HPSE2: variants seen among roughly 807,000 people sequenced by gnomAD.
The protein encoded by HPSE2 is inactive heparanase-2.
A neutral mutation model predicts 60.5 loss-of-function variants in HPSE2; 38 were observed. The observed-to-expected ratio is 0.63, with a 90% CI of 0.48 to 0.82. The LOEUF is 0.82. Among genes scored for constraint, HPSE2 ranks in the 40% least tolerant of loss-of-function variants. The probability of loss-of-function intolerance (pLI) is 0.00; values close to 1 mark genes in which losing one functional copy is unlikely to be tolerated. For synonymous variants in HPSE2, 295 were observed against 293.2 expected, an observed-to-expected ratio of 1.01 and a Z score of -0.06; for missense variants, 713 against 740.4, an observed-to-expected ratio of 0.96 and a Z score of 0.43.
intron 10 of HPSE2, among the ~76,000 whole-genome samples, chr10:98,483,975 T>G (rs968448767): frequency 6.6e-6 from 1 of 152,226 alleles, no homozygotes; most frequent in African/African-American, 2.4e-5. Flanking sequence ...CTGCTCTATA[T>G]GAGAGCACCT....
chr10:99,171,021 C>T (rs1021899555), intron 2 of HPSE2, among the ~76,000 whole-genome samples: 2 of 152,142 alleles, frequency 1.3e-5, no homozygotes, highest in Non-Finnish European at 1.5e-5. Context: ...GCAAATACTA[C>T]CTTTTATATC....
chr10:99,008,794 C>T (rs1413155410), intron 3 of HPSE2, among the ~76,000 whole-genome samples: 1 of 152,096 alleles, frequency 6.6e-6, no homozygotes, highest in East Asian at 1.9e-4. Context: ...GCTTAAGGGA[C>T]TGAAATGTAT....
intron 6 of HPSE2, among the ~76,000 whole-genome samples, chr10:98,683,500 G>A (rs1455241587): frequency 6.6e-6 from 1 of 151,706 alleles, no homozygotes; most frequent in Non-Finnish European, 1.5e-5. Context: ...AAAATAGAAG[G>A]CATTGCATCC....
At chr10:98,658,181 G>A (rs547780321) in intron 6 of HPSE2, among the ~76,000 whole-genome samples, 56 of 152,224 alleles carry the variant, frequency 3.7e-4, no homozygotes, top group Non-Finnish European at 6.6e-4. Context: ...CGCCATGCCC[G>A]GGGTACACAG....
At chr10:98,802,927 A>C (rs1483679212) in intron 3 of HPSE2, among the ~76,000 whole-genome samples, 2 of 147,578 alleles carry the variant, frequency 1.4e-5, no homozygotes, top group Non-Finnish European at 3.0e-5. Flanking sequence ...ACTAGTTGAC[A>C]GTCCCACCAA....
At chr10:99,113,944 G>T (rs568413072) in intron 3 of HPSE2, among the ~76,000 whole-genome samples, 1 of 151,924 alleles carries the variant, frequency 6.6e-6, no homozygotes, top group Admixed American at 6.6e-5. Flanking sequence ...TTTTCTTGTT[G>T]TTCCTATGTG....
At chr10:98,755,968 C>T (rs917553307) in intron 3 of HPSE2, among the ~76,000 whole-genome samples, 29 of 152,072 alleles carry the variant, frequency 1.9e-4, no homozygotes, top group Non-Finnish European at 3.2e-4. Context: ...TGCACCCCAG[C>T]CTGGCAACAG....
chr10:98,629,641 TCTTCTAGTCCATC>T (rs1589534811), intron 7 of HPSE2, among the ~76,000 whole-genome samples: 1 of 152,316 alleles, frequency 6.6e-6, no homozygotes, highest in African/African-American at 2.4e-5. Flanking sequence ...AATCTTTTCC[TCTTCTAGTCCATC>T]CTTCACACTG....
intron 3 of HPSE2, among the ~76,000 whole-genome samples, chr10:98,891,952 G>T (rs1183492647): frequency 6.6e-6 from 1 of 151,752 alleles, no homozygotes; most frequent in African/African-American, 2.4e-5. Flanking sequence ...TGTATTTTTA[G>T]TAGTGATGGG....
intron 3 of HPSE2, among the ~76,000 whole-genome samples, chr10:98,983,821 G>A (rs1175425668): frequency 6.6e-6 from 1 of 152,210 alleles, no homozygotes; most frequent in Admixed American, 6.5e-5. Context: ...AACAGTCTTA[G>A]CAAATGGCAC....
upstream of HPSE2, among the ~76,000 whole-genome samples, chr10:99,238,751 A>G (rs994986576): frequency 6.6e-6 from 1 of 152,188 alleles, no homozygotes; most frequent in Non-Finnish European, 1.5e-5. Flanking sequence ...AGTAATCAGT[A>G]TATTAGATTG....
intron 3 of HPSE2, among the ~76,000 whole-genome samples, chr10:98,808,232 C>T (rs1951087061): frequency 2.6e-5 from 4 of 152,274 alleles, no homozygotes; most frequent in Middle Eastern, 3.4e-3. Context: ...CTCATCATCA[C>T]CCCCTCAAAC....
intron 6 of HPSE2, among the ~76,000 whole-genome samples, chr10:98,656,836 A>C (rs1947080776): frequency 6.8e-6 from 1 of 147,020 alleles, no homozygotes; most frequent in South Asian, 2.1e-4. Context: ...ATTTTGGCTC[A>C]CTGCAACCTC....
chr10:98,775,697 T>C (rs1319376681), intron 3 of HPSE2, among the ~76,000 whole-genome samples: 1 of 152,150 alleles, frequency 6.6e-6, no homozygotes, highest in Non-Finnish European at 1.5e-5. Flanking sequence ...CTTATGGCTT[T>C]ACCCCCTACC....
chr10:98,991,650 G>T (rs1199737889), intron 3 of HPSE2, among the ~76,000 whole-genome samples: 3 of 152,052 alleles, frequency 2.0e-5, no homozygotes, highest in Non-Finnish European at 4.4e-5. Flanking sequence ...AGGTTTAAAA[G>T]GATCCATGTA....
rs560310797 is a variant in HPSE2, at chr10:99,101,064, G to C, written c.610+43174C>G. Reference sequence around the variant, plus strand: ...AAATTGTAAAGACCATCGAGGCTAGGAAGCAACTGCATCAACTAACGAGCA... The same window carrying C: ...AAATTGTAAAGACCATCGAGGCTAGCAAGCAACTGCATCAACTAACGAGCA... On this transcript the variant is annotated intron_variant, in intron 3 of 11. Transcript: ENST00000370552. 2.0e-4 allele frequency among the ~76,000 whole-genome samples: 30 copies of C among 152,286 alleles called. No individual in the cohort carries two copies. In the South Asian group the frequency reaches 6.0e-3, roughly 31 times the overall value.
At chr10:98,696,190 T>C (rs1948208207) in intron 5 of HPSE2, among the ~76,000 whole-genome samples, 1 of 150,622 alleles carries the variant, frequency 6.6e-6, no homozygotes, top group Non-Finnish European at 1.5e-5. Context: ...ACATGGAATT[T>C]ACTTCTCCAA....
chr10:99,079,003 A>G (rs914760203), intron 3 of HPSE2, among the ~76,000 whole-genome samples: 5 of 152,106 alleles, frequency 3.3e-5, no homozygotes, highest in Non-Finnish European at 7.3e-5. Flanking sequence ...GAAAAGTTGG[A>G]TCTTTGGATG....
chr10:98,765,106 CTCAGT>C (rs1244139938), intron 3 of HPSE2, among the ~76,000 whole-genome samples: 2 of 152,144 alleles, frequency 1.3e-5, no homozygotes, highest in Non-Finnish European at 2.9e-5. Context: ...ACACTTCTCT[CTCAGT>C]AATCAATAGA....
Sources: gnomAD v4.1 joint callset for allele counts (sites outside exome capture counted in the v4.1 genomes callset) on GRCh38, gnomAD v4.1.1 for gene constraint, MANE v1.5 for transcripts, NCBI Gene and HGNC (gene_info 2026-07-23, HGNC 2026-07-21) for gene names.